CLSTN2: variants seen among roughly 807,000 people sequenced by gnomAD.
CLSTN2 encodes the protein calsyntenin 2, also known as calsyntenin-2.
In CLSTN2, 48 loss-of-function variants were observed where a neutral mutation model predicts 101.2. That is an observed-to-expected ratio of 0.47 (90% CI 0.38 to 0.60). The LOEUF is 0.60. Among genes scored for constraint, CLSTN2 ranks in the 20% least tolerant of loss-of-function variants. CLSTN2 has a pLI of 0.00. For synonymous variants in CLSTN2, 481 were observed against 463.6 expected, an observed-to-expected ratio of 1.04 and a Z score of -0.48; for missense variants, 1,160 against 1,238.2, an observed-to-expected ratio of 0.94 and a Z score of 0.95.
intron 2 of CLSTN2, among the ~76,000 whole-genome samples, chr3:140,293,921 G>A (rs947617467): frequency 4.7e-4 from 72 of 152,268 alleles, no homozygotes; most frequent in African/African-American, 1.6e-3. Flanking sequence ...AGGCTCTAGA[G>A]TTTTCAGCAT....
At chr3:140,558,567 C>T (rs1935845505) in intron 11 of CLSTN2, 73 bp from the exon 12 acceptor site, 2 of 1,292,640 alleles carry the variant, frequency 1.5e-6, no homozygotes, top group East Asian at 2.3e-5. Context: ...GGTGGCAACC[C>T]CTTGTTCCTG....
chr3:140,125,648 AAATAT>A (rs1318534299), intron 1 of CLSTN2, among the ~76,000 whole-genome samples: 1 of 152,104 alleles, frequency 6.6e-6, no homozygotes, highest in Non-Finnish European at 1.5e-5. Context: ...TTTACTGGGG[AAATAT>A]AATAGTGTTG....
Position 140,351,787 on chromosome 3 carries a change from G to GTT in CLSTN2, c.233-51839_233-51838dup, listed in dbSNP as rs1295273635. Reference sequence around the variant, plus strand: ...CTTTGAAAACTTATATTCAGGTTTTGTTTTGTTTTTTTTTTTTCTTAATAG... The same window carrying GTT: ...CTTTGAAAACTTATATTCAGGTTTTGTTTTTTGTTTTTTTTTTTTCTTAATAG... On this transcript the variant is annotated intron_variant, in intron 2 of 16. Coordinates refer to ENST00000458420, the MANE Select transcript of CLSTN2 (RefSeq NM_022131.3). Among the ~76,000 whole-genome samples the GTT allele has an allele frequency of 3.8e-4, 46 of 120,876 alleles. 1 individual carries two copies. Among genetic ancestry groups the GTT allele is most frequent in the South Asian group, 5.1e-4 (2 of 3,958 alleles). The allele number at this position is 120,876 out of a possible 152,430, so 79.3% of individuals were successfully genotyped here.
intron 1 of CLSTN2, among the ~76,000 whole-genome samples, chr3:140,059,608 G>A (rs2008161102): frequency 1.3e-5 from 2 of 152,152 alleles, no homozygotes; most frequent in Admixed American, 6.5e-5. Flanking sequence ...GGCCCCCTCT[G>A]AGGATGGCAG....
intron 1 of CLSTN2, among the ~76,000 whole-genome samples, chr3:139,989,953 T>G (rs1560063254): frequency 6.6e-6 from 1 of 152,236 alleles, no homozygotes; most frequent in Non-Finnish European, 1.5e-5. Context: ...CTCCCATTAT[T>G]TTTTCTTACA....
At chr3:139,939,919 G>T (rs1178257242) in intron 1 of CLSTN2, among the ~76,000 whole-genome samples, 1 of 152,190 alleles carries the variant, frequency 6.6e-6, no homozygotes, top group Non-Finnish European at 1.5e-5. Context: ...ACCGGAATGT[G>T]CCCTTTACCT....
intron 1 of CLSTN2, among the ~76,000 whole-genome samples, chr3:139,977,890 A>G (rs920892621): frequency 1.3e-5 from 2 of 152,204 alleles, no homozygotes; most frequent in Non-Finnish European, 2.9e-5. Flanking sequence ...TTATTTTTCC[A>G]TGGTCTCTGC....
chr3:140,231,305 G>A (rs921638476), intron 2 of CLSTN2, among the ~76,000 whole-genome samples: 1 of 151,976 alleles, frequency 6.6e-6, no homozygotes, highest in Admixed American at 6.6e-5. Context: ...ATCTACTGCG[G>A]GAGTTCCATG....
At chr3:140,432,618 C>A (rs1377641937) in intron 5 of CLSTN2, among the ~76,000 whole-genome samples, 1 of 152,150 alleles carries the variant, frequency 6.6e-6, no homozygotes, top group East Asian at 1.9e-4. Context: ...CATTAAGGTG[C>A]AGCAAATGGC....
At chr3:140,279,328 A>C (rs60794672) in intron 2 of CLSTN2, among the ~76,000 whole-genome samples, 3,469 of 152,324 alleles carry the variant, frequency 0.023, 122 homozygotes, top group African/African-American at 0.078. Flanking sequence ...ACAGTGTCCA[A>C]GTCCATGCTG....
intron 2 of CLSTN2, among the ~76,000 whole-genome samples, chr3:140,260,547 G>T (rs1251857857): frequency 6.6e-6 from 1 of 150,932 alleles, no homozygotes; most frequent in Non-Finnish European, 1.5e-5. Flanking sequence ...TTAGACTTTA[G>T]AACAATTTCA....
At chr3:140,439,356 T>C (rs1291215828) in intron 5 of CLSTN2, among the ~76,000 whole-genome samples, 2 of 152,202 alleles carry the variant, frequency 1.3e-5, no homozygotes, top group African/African-American at 4.8e-5. Flanking sequence ...AGTTTCCCAG[T>C]TGCTACCAGA....
In CLSTN2 at chr3:140,026,288, G is replaced by A. The variant is rs117263740; in HGVS notation, c.109+90805G>A. On this transcript the variant is annotated intron_variant, in intron 1 of 16. Coordinates refer to ENST00000458420, the MANE Select transcript of CLSTN2 (RefSeq NM_022131.3). ...GGGGGAAAGTGCCGAGAGCATAAAA[G>A]CCAACCATACCCAATATCTTTCCCA... Among the ~76,000 whole-genome samples the A allele has an allele frequency of 5.7e-4, 87 of 152,264 alleles. No homozygotes were observed. The East Asian group carries it at 0.016, about 29-fold the overall frequency.
chr3:140,507,922 T>C (rs924375605), intron 8 of CLSTN2: 1 of 152,106 alleles, frequency 6.6e-6, no homozygotes, highest in African/African-American at 2.4e-5. Context: ...ACTCAGCAAG[T>C]TTAAGAAACT....
Position 140,478,911 on chromosome 3 carries a change from G to T in CLSTN2, c.1344+12180G>T, listed in dbSNP as rs530255641. ...GGAAGGAAGGAAGGAAGGAAGGGAG[G>T]CAGGCATATTCTCTGAGCCTAAGGT... On this transcript the variant is annotated intron_variant, in intron 8 of 16. Transcript: ENST00000458420. Among the ~76,000 whole-genome samples the T allele has an allele frequency of 1.7e-4, 26 of 151,182 alleles. No individual in the cohort carries two copies. In the East Asian group the frequency reaches 2.3e-3, roughly 14 times the overall value.
At chr3:140,381,677 C>A (rs1210968017) in intron 2 of CLSTN2, among the ~76,000 whole-genome samples, 2 of 152,182 alleles carry the variant, frequency 1.3e-5, no homozygotes, top group Non-Finnish European at 2.9e-5. Flanking sequence ...GCCTTGACTC[C>A]ATAGGGCAGA....
intron 2 of CLSTN2, among the ~76,000 whole-genome samples, chr3:140,180,874 CTGTT>C (rs1341218511): frequency 4.6e-5 from 7 of 152,178 alleles, no homozygotes; most frequent in East Asian, 1.9e-4. Flanking sequence ...ATGGTTAACT[CTGTT>C]TGTCCTTTTG....
intron 2 of CLSTN2, among the ~76,000 whole-genome samples, chr3:140,350,166 A>G (rs2087590462): frequency 6.6e-6 from 1 of 152,230 alleles, no homozygotes; most frequent in South Asian, 2.1e-4. Flanking sequence ...GTGGACAGGA[A>G]GAAAGATAAT....
At chr3:139,955,083 T>C (rs1373086015) in intron 1 of CLSTN2, among the ~76,000 whole-genome samples, 1 of 145,184 alleles carries the variant, frequency 6.9e-6, no homozygotes, top group East Asian at 2.0e-4. Context: ...CACACATATA[T>C]ACACATACAT....
Sources: allele counts gnomAD v4.1 joint callset (sites outside exome capture counted in the v4.1 genomes callset), GRCh38; gene constraint gnomAD v4.1.1; transcripts MANE v1.5; gene names NCBI Gene and HGNC (gene_info 2026-07-23, HGNC 2026-07-21).